The following SEL1L2 variants were observed in gnomAD, a reference collection of about 807,000 sequenced individuals.
SEL1L2 encodes the protein SEL1L2 adaptor subunit of SYVN1 ubiquitin ligase, also known as protein sel-1 homolog 2.
SEL1L2 carries 89 observed loss-of-function variants against 98.8 expected under a neutral mutation model. The observed-to-expected ratio is 0.90, with a 90% CI of 0.76 to 1.07. The LOEUF is 1.07. SEL1L2 is among the 50% of genes least tolerant of loss of function. The pLI is 0.00. For missense variants in SEL1L2, 788 were observed against 812.0 expected (o/e 0.97, Z 0.36); for synonymous variants, 262 against 278.5 (o/e 0.94, Z 0.59).
chr20:13,930,290 T>A (rs2049087342), intron 3 of SEL1L2, among the ~76,000 whole-genome samples: 1 of 152,156 alleles, frequency 6.6e-6, no homozygotes, highest in Admixed American at 6.5e-5. Flanking sequence ...TCAATCCGGG[T>A]CTCTGCAGGC....
At chr20:13,919,195 A>G (rs1463648153) in intron 3 of SEL1L2, 72 bp from the exon 4 acceptor site, 3 of 944,656 alleles carry the variant, frequency 3.2e-6, no homozygotes, top group Admixed American at 4.9e-5. Flanking sequence ...AATGTGCTAA[A>G]GTAATTTGTT....
chr20:13,893,669 C>A (rs2047302494), intron 5 of SEL1L2, among the ~76,000 whole-genome samples: 1 of 152,118 alleles, frequency 6.6e-6, no homozygotes, highest in Non-Finnish European at 1.5e-5. Flanking sequence ...CCATTACAGA[C>A]CAGTTGGACC....
intron 2 of SEL1L2, among the ~76,000 whole-genome samples, chr20:13,946,929 C>T (rs536785206): frequency 1.3e-5 from 2 of 152,272 alleles, no homozygotes; most frequent in African/African-American, 2.4e-5. Flanking sequence ...TGGGCACTGA[C>T]GAGCATGGGA....
intron 5 of SEL1L2, among the ~76,000 whole-genome samples, chr20:13,897,407 G>A (rs2047469192): frequency 6.6e-6 from 1 of 152,042 alleles, no homozygotes. Context: ...TGGACAAGTG[G>A]GACTATACCA....
At chr20:13,896,193 C>G (rs185227949) in intron 5 of SEL1L2, among the ~76,000 whole-genome samples, 7 of 151,828 alleles carry the variant, frequency 4.6e-5, no homozygotes, top group Admixed American at 2.6e-4. Flanking sequence ...ACAAACAGGC[C>G]GAGCACGGTG....
At chr20:13,939,057 T>TTTTTTTTTTTTTTTTTTTTTTTTTTTTG (rs1323922419) in intron 2 of SEL1L2, among the ~76,000 whole-genome samples, 1 of 144,536 alleles carries the variant, frequency 6.9e-6, no homozygotes, top group African/African-American at 2.6e-5. Flanking sequence ...TTTTTTTTTT[T>TTTTTTTTTTTTTTTTTTTTTTTTTTTTG]TTCTGAGATG....
At chr20:13,904,177 G>A (rs2047813550) in intron 5 of SEL1L2, among the ~76,000 whole-genome samples, 1 of 152,180 alleles carries the variant, frequency 6.6e-6, no homozygotes, top group Non-Finnish European at 1.5e-5. Flanking sequence ...GCTCTAACAT[G>A]CAGTTTATAA....
chr20:13,915,998 T>C (rs186180800), intron 4 of SEL1L2, among the ~76,000 whole-genome samples: 3 of 152,224 alleles, frequency 2.0e-5, no homozygotes, highest in Admixed American at 2.0e-4. Context: ...TCTTTGCTGA[T>C]GGGGAGTGAT....
At chr20:13,887,284 A>C (rs2047000296) in intron 8 of SEL1L2, among the ~76,000 whole-genome samples, 1 of 152,148 alleles carries the variant, frequency 6.6e-6, no homozygotes, top group South Asian at 2.1e-4. Context: ...CTTTTCTCAG[A>C]TCCTAATAAT....
chr20:13,961,075 A>C (rs2148467373), intron 1 of SEL1L2, among the ~76,000 whole-genome samples: 1 of 152,250 alleles, frequency 6.6e-6, no homozygotes, highest in Admixed American at 6.5e-5. Context: ...ATAACAACCC[A>C]CCAAAATAGC....
intron 19 of SEL1L2, among the ~76,000 whole-genome samples, chr20:13,849,831 T>C (rs557164328): frequency 1.3e-5 from 2 of 152,272 alleles, no homozygotes; most frequent in East Asian, 1.9e-4. Flanking sequence ...TTTTTCAAAC[T>C]GTAGCTGTTT....
intron 18 of SEL1L2, among the ~76,000 whole-genome samples, chr20:13,854,849 T>A (rs6042392): frequency 1.3e-5 from 2 of 152,002 alleles, no homozygotes; most frequent in East Asian, 3.9e-4. Flanking sequence ...GTCAAGAGAT[T>A]GAGACCATCC....
chr20:13,932,553 T>C (rs2049197781), intron 2 of SEL1L2, among the ~76,000 whole-genome samples: 1 of 151,978 alleles, frequency 6.6e-6, no homozygotes, highest in Admixed American at 6.6e-5. Context: ...TGCCTCAGCC[T>C]CCCGAGTAAC....
chr20:13,905,008 G>A (rs2047858026), intron 5 of SEL1L2, among the ~76,000 whole-genome samples: 1 of 152,154 alleles, frequency 6.6e-6, no homozygotes. Context: ...GGTTGTGTGA[G>A]AGTTGTATTT....
chr20:13,899,635 G>T (rs2047577800), intron 5 of SEL1L2, among the ~76,000 whole-genome samples: 1 of 151,968 alleles, frequency 6.6e-6, no homozygotes. Flanking sequence ...CTATACAGGG[G>T]GTGCCACCCT....
At chr20:13,990,183 G>T (rs777614846) in intron 1 of SEL1L2, among the ~76,000 whole-genome samples, 1 of 152,022 alleles carries the variant, frequency 6.6e-6, no homozygotes, top group Non-Finnish European at 1.5e-5. Flanking sequence ...TTAACAACTT[G>T]CCCTAAATAT....
intron 5 of SEL1L2, among the ~76,000 whole-genome samples, chr20:13,901,071 C>CCT (rs2047652277): frequency 1.5e-5 from 2 of 133,320 alleles, no homozygotes; most frequent in Admixed American, 1.5e-4. Context: ...TTCTTTCTTT[C>CCT]TTTCTTTTTT....
chr20:13,860,537 G>C (rs909841238), intron 17 of SEL1L2, among the ~76,000 whole-genome samples: 23 of 152,204 alleles, frequency 1.5e-4, no homozygotes, highest in African/African-American at 5.3e-4. Context: ...GCCTTCTCTT[G>C]GTTTCCCTTC....
intron 12 of SEL1L2, among the ~76,000 whole-genome samples, chr20:13,871,951 G>C (rs1288245429): frequency 2.0e-5 from 3 of 152,162 alleles, no homozygotes; most frequent in African/African-American, 7.2e-5. Flanking sequence ...TGCAGCCGGA[G>C]TAACCCTCAG....
Sources: gnomAD v4.1 joint callset for allele counts (sites outside exome capture counted in the v4.1 genomes callset) on GRCh38, gnomAD v4.1.1 for gene constraint, MANE v1.5 for transcripts, NCBI Gene and HGNC (gene_info 2026-07-23, HGNC 2026-07-21) for gene names.